NPSR1: variants seen among roughly 807,000 people sequenced by gnomAD.
NPSR1 encodes neuropeptide S receptor.
In NPSR1, 48 loss-of-function variants were observed where a neutral mutation model predicts 46.9. The observed-to-expected ratio is 1.02, with a 90% CI of 0.81 to 1.30. The LOEUF (loss-of-function observed/expected upper bound fraction) is 1.30, where lower values mean the gene tolerates loss of function less well. Ranked by LOEUF, NPSR1 falls within the 50% of genes most tolerant of loss-of-function variation. The pLI is 0.00. For missense variants in NPSR1, 450 were observed against 449.5 expected, an observed-to-expected ratio of 1.00 and a Z score of -0.01; for synonymous variants, 176 against 168.1, an observed-to-expected ratio of 1.05 and a Z score of -0.36.
At chr7:34,787,028 T>C (rs1453342206) in intron 3 of NPSR1, among the ~76,000 whole-genome samples, 1 of 152,142 alleles carries the variant, frequency 6.6e-6, no homozygotes. Flanking sequence ...TGATGTCCTT[T>C]GAAGCTTTGA....
intron 2 of NPSR1, among the ~76,000 whole-genome samples, chr7:34,763,768 C>T (rs36013861): frequency 0.017 from 2,557 of 152,300 alleles, 36 homozygotes; most frequent in African/African-American, 0.041. Flanking sequence ...AAACTCTCAA[C>T]TGCATCTTCT....
At chr7:34,710,947 G>T in intron 2 of NPSR1, 1 of 359,146 alleles carries the variant, frequency 2.8e-6, no homozygotes, top group East Asian at 7.2e-5. Flanking sequence ...CAGGCAGATG[G>T]GACAGAACTG....
chr7:34,863,484 G>A (rs148619568), intron 8 of NPSR1, among the ~76,000 whole-genome samples: 2,215 of 151,796 alleles, frequency 0.015, 30 homozygotes, highest in Non-Finnish European at 0.021. Context: ...CTATCCATCT[G>A]ACAAAGGGCT....
downstream of NPSR1, among the ~76,000 whole-genome samples, chr7:34,852,193 A>T (rs749326435): frequency 1.3e-5 from 2 of 152,092 alleles, no homozygotes; most frequent in Non-Finnish European, 2.9e-5. Flanking sequence ...CCAGCTACTC[A>T]GGAGGCTGAG....
At chr7:34,789,515 A>G (rs1424390686) in intron 3 of NPSR1, among the ~76,000 whole-genome samples, 1 of 152,022 alleles carries the variant, frequency 6.6e-6, no homozygotes, top group Non-Finnish European at 1.5e-5. Context: ...AATGTCAGCC[A>G]GGCGTAGTGG....
chr7:34,739,346 T>C (rs981834028), intron 2 of NPSR1, among the ~76,000 whole-genome samples: 5 of 152,278 alleles, frequency 3.3e-5, no homozygotes, highest in African/African-American at 1.2e-4. Flanking sequence ...CATCTTTTTA[T>C]ATTCTCATCA....
At position 34,658,351 on chromosome 7, in the gene NPSR1, A is replaced by G. The variant is rs1791280499; in HGVS notation, c.-62A>G. The G allele has an allele frequency of 6.3e-7, 1 of 1,588,702 alleles. No individual in the cohort carries two copies. On this transcript the variant is annotated 5_prime_UTR_variant, in exon 1 of 9. Coordinates refer to ENST00000360581, the MANE Select transcript of NPSR1 (RefSeq NM_207172.2). ...AGCTGCTGCCCAGCTCTCAGGAGGCAAGCTGGACTCCCTCACTCAGCTGCA... is the reference window on the plus strand; with the variant it reads ...AGCTGCTGCCCAGCTCTCAGGAGGCGAGCTGGACTCCCTCACTCAGCTGCA...
At chr7:34,836,806 T>C (rs545561946) in intron 6 of NPSR1, among the ~76,000 whole-genome samples, 10 of 151,974 alleles carry the variant, frequency 6.6e-5, no homozygotes, top group Non-Finnish European at 1.5e-4. Flanking sequence ...TTTATATTCA[T>C]GAAAAACTGA....
chr7:34,760,995 A>C (rs925837623), intron 2 of NPSR1: 2 of 152,568 alleles, frequency 1.3e-5, no homozygotes, highest in African/African-American at 4.8e-5. Context: ...TAGCTTTCTC[A>C]CTGGCTTTAG....
At chr7:34,860,312 A>G (rs1791158494) in intron 8 of NPSR1, among the ~76,000 whole-genome samples, 1 of 151,786 alleles carries the variant, frequency 6.6e-6, no homozygotes, top group South Asian at 2.1e-4. Flanking sequence ...AAGACCAAAC[A>G]AGTCCTTTAT....
intron 1 of NPSR1, among the ~76,000 whole-genome samples, chr7:34,682,453 C>CA (rs1267940544): frequency 2.0e-5 from 3 of 152,218 alleles, no homozygotes; most frequent in African/African-American, 7.2e-5. Context: ...CCCTGTCCCT[C>CA]AACTGTTTCA....
chr7:34,750,401 G>A, intron 2 of NPSR1: 1 of 744,796 alleles, frequency 1.3e-6, no homozygotes, highest in Non-Finnish European at 2.5e-6. Flanking sequence ...TCGCTGCTGG[G>A]TGTTCGGATG....
chr7:34,780,206 T>C (rs549477450), intron 3 of NPSR1, among the ~76,000 whole-genome samples: 1 of 152,304 alleles, frequency 6.6e-6, no homozygotes, highest in Non-Finnish European at 1.5e-5. Context: ...TTGGATTCAG[T>C]ATGGGAAAAG....
chr7:34,817,782 G>A (rs975627912), intron 4 of NPSR1, among the ~76,000 whole-genome samples: 2 of 152,040 alleles, frequency 1.3e-5, no homozygotes, highest in African/African-American at 2.4e-5. Context: ...ATTGATAAAC[G>A]TAATCCATCA....
intron 2 of NPSR1, among the ~76,000 whole-genome samples, chr7:34,718,406 G>T (rs565553335): frequency 6.6e-6 from 1 of 152,318 alleles, no homozygotes; most frequent in East Asian, 1.9e-4. Context: ...GCTCAGGATT[G>T]CTGTAAAAAT....
intron 3 of NPSR1, among the ~76,000 whole-genome samples, chr7:34,792,590 TAC>T (rs564459448): frequency 4.0e-4 from 55 of 138,974 alleles, no homozygotes; most frequent in African/African-American, 1.4e-3. Flanking sequence ...TGTATATATA[TAC>T]GTATATATGT....
intron 2 of NPSR1, among the ~76,000 whole-genome samples, chr7:34,717,522 T>C (rs905351545): frequency 1.3e-5 from 2 of 152,144 alleles, no homozygotes; most frequent in African/African-American, 2.4e-5. Context: ...AAATGTAAGA[T>C]GGTGGAAGAC....
intron 2 of NPSR1, among the ~76,000 whole-genome samples, chr7:34,700,096 A>T (rs1793741781): frequency 6.6e-6 from 1 of 152,184 alleles, no homozygotes; most frequent in African/African-American, 2.4e-5. Flanking sequence ...GAAGGAAAAT[A>T]ACTTTGTTGT....
intron 1 of NPSR1, among the ~76,000 whole-genome samples, chr7:34,662,456 C>T (rs1791503912): frequency 6.6e-6 from 1 of 152,184 alleles, no homozygotes; most frequent in Admixed American, 6.5e-5. Context: ...CCTTCCTGCC[C>T]TGGCCCCAGG....
Sources: allele counts gnomAD v4.1 joint callset (sites outside exome capture counted in the v4.1 genomes callset), GRCh38; gene constraint gnomAD v4.1.1; transcripts MANE v1.5; gene names NCBI Gene and HGNC (gene_info 2026-07-23, HGNC 2026-07-21).